ADGRV1: variants seen among roughly 807,000 people sequenced by gnomAD.
ADGRV1 encodes the protein G-protein coupled receptor 98.
ADGRV1 carries 359 observed loss-of-function variants against 596.2 expected under a neutral mutation model. The observed-to-expected ratio is 0.60, with a 90% CI of 0.55 to 0.66. ADGRV1 has a LOEUF of 0.66. Among genes scored for constraint, ADGRV1 ranks in the 30% least tolerant of loss-of-function variants. The pLI, the probability that ADGRV1 is intolerant of heterozygous loss-of-function variation, is 0.00. For missense variants in ADGRV1, 7,274 were observed against 7,575.6 expected, an observed-to-expected ratio of 0.96 and a Z score of 1.48; for synonymous variants, 2,681 against 2,679.2, an observed-to-expected ratio of 1.00 and a Z score of -0.02.
At chr5:91,153,426 G>C (rs754882113) in intron 89 of ADGRV1, 28 bp downstream of exon 89, 21 of 1,482,070 alleles carry the variant, frequency 1.4e-5, no homozygotes, top group Admixed American at 2.1e-5. Flanking sequence ...AACGACATTA[G>C]AAGTAGGCAC....
In ADGRV1 at chr5:90,558,892, G is replaced by C; in HGVS notation, c.-4G>C. On this transcript the variant is annotated 5_prime_UTR_variant, in exon 1 of 90. Coordinates refer to ENST00000405460, the MANE Select transcript of ADGRV1 (RefSeq NM_032119.4). ...GGCCGGCGGGGACCGCCGGGAGCGCGCGGATGTCGGTGTTCCTGGGGCCAG... is the reference window on the plus strand; with the variant it reads ...GGCCGGCGGGGACCGCCGGGAGCGCCCGGATGTCGGTGTTCCTGGGGCCAG... 6.4e-7 allele frequency: 1 copy of C among 1,559,734 alleles called. No homozygotes were observed. The highest frequency in any genetic ancestry group is 1.2e-5 in the South Asian group (1 of 84,934).
In ADGRV1 at chr5:91,042,057, T is replaced by G. The variant is rs2151277786; in HGVS notation, c.18153-30390T>G. On this transcript the variant is annotated intron_variant, in intron 85 of 89. Coordinates refer to ENST00000405460, the MANE Select transcript of ADGRV1 (RefSeq NM_032119.4). ...ACAGATGTTTTAAACTTGAGGCTCT[T>G]AGTTTTATTGATTTACTGTGATCTA... Among the ~76,000 whole-genome samples, 4 of 152,308 alleles carry G rather than the reference T, an allele frequency of 2.6e-5. No individual in the cohort carries two copies. In the South Asian group the frequency reaches 8.3e-4, roughly 32 times the overall value.
intron 85 of ADGRV1, among the ~76,000 whole-genome samples, chr5:91,065,725 G>T (rs1482259442): frequency 6.6e-6 from 1 of 152,174 alleles, no homozygotes; most frequent in Non-Finnish European, 1.5e-5. Flanking sequence ...TAAGTATAAA[G>T]CATTACCGAG....
rs567806069 is a variant in ADGRV1 at position 90,785,049 on chromosome 5, G to A, written c.13653+992G>A. 9.2e-5 allele frequency among the ~76,000 whole-genome samples: 14 copies of A among 152,152 alleles called. No homozygotes were observed. In the East Asian group the frequency reaches 9.7e-4, roughly 11 times the overall value. On this transcript the variant is annotated intron_variant, in intron 67 of 89. Coordinates refer to ENST00000405460, the MANE Select transcript of ADGRV1 (RefSeq NM_032119.4). ...ACAAGGCTACAGTAACCAAAACAGC[G>A]TGGTACTGGTACCAAAACAGATATA...
At chr5:90,918,788 TATGTTACTACA>T (rs1773611305) in intron 83 of ADGRV1, among the ~76,000 whole-genome samples, 1 of 152,210 alleles carries the variant, frequency 6.6e-6, no homozygotes, top group Admixed American at 6.5e-5. Flanking sequence ...TTCCACTTCT[TATGTTACTACA>T]ACCAAGGCCT....
At chr5:90,974,477 G>T (rs1455067650) in intron 84 of ADGRV1, among the ~76,000 whole-genome samples, 1 of 152,134 alleles carries the variant, frequency 6.6e-6, no homozygotes, top group Non-Finnish European at 1.5e-5. Context: ...AACCAAAACA[G>T]CATGGTACTG....
chr5:90,729,609 C>T, intron 49 of ADGRV1, 33 bp from the exon 50 acceptor site: 2 of 1,523,296 alleles, frequency 1.3e-6, no homozygotes, highest in Non-Finnish European at 1.8e-6. Flanking sequence ...GTAACTTTTG[C>T]ATTAAGATTT....
chr5:91,158,899 G>A (rs923739407), intron 89 of ADGRV1, among the ~76,000 whole-genome samples: 3 of 137,382 alleles, frequency 2.2e-5, no homozygotes, highest in South Asian at 2.4e-4. Context: ...ATGGATGGAT[G>A]GATAGATGCA....
intron 50 of ADGRV1, among the ~76,000 whole-genome samples, chr5:90,737,529 T>C (rs1248495271): frequency 6.6e-6 from 1 of 151,974 alleles, no homozygotes; most frequent in African/African-American, 2.4e-5. Context: ...AGTGGGATAC[T>C]GGGGTCCCCT....
rs201481219 is a variant in ADGRV1 at position 90,716,735 on chromosome 5, G to A, written c.9447+6G>A. On this transcript the variant is annotated splice_donor_region_variant and intron_variant, in intron 43 of 89. Coordinates refer to ENST00000405460, the MANE Select transcript of ADGRV1 (RefSeq NM_032119.4). ...AAGAAGGTGTTCGATTCAAGGTACA[G>A]TAAGAAGCTTTAATGAGAATGGAAG... 7.2e-4 allele frequency: 1,148 copies of A among 1,602,634 alleles called. 4 individuals are homozygous for A. The Middle Eastern group carries it at 0.014, about 20-fold the overall frequency.
At chr5:90,560,240 A>C (rs1754640066) in intron 1 of ADGRV1, among the ~76,000 whole-genome samples, 1 of 152,120 alleles carries the variant, frequency 6.6e-6, no homozygotes, top group South Asian at 2.1e-4. Context: ...TATATCTCTC[A>C]AATTATTACT....
chr5:90,581,779 G>A (rs1029387064), intron 1 of ADGRV1, among the ~76,000 whole-genome samples: 1 of 152,206 alleles, frequency 6.6e-6, no homozygotes, highest in African/African-American at 2.4e-5. Flanking sequence ...TCTCTTCAGA[G>A]CTGTCAGACA....
intron 87 of ADGRV1, among the ~76,000 whole-genome samples, chr5:91,111,836 G>T (rs1008681252): frequency 6.6e-6 from 1 of 152,108 alleles, no homozygotes; most frequent in African/African-American, 2.4e-5. Context: ...CACTACATTT[G>T]TTTTCTAGAG....
intron 83 of ADGRV1, among the ~76,000 whole-genome samples, chr5:90,905,694 C>T (rs1041686825): frequency 1.3e-5 from 2 of 152,000 alleles, no homozygotes; most frequent in African/African-American, 4.8e-5. Flanking sequence ...AATTTGACTT[C>T]TTTTTTTCCA....
chr5:91,036,517 G>A (rs936846534), intron 85 of ADGRV1, among the ~76,000 whole-genome samples: 4 of 151,012 alleles, frequency 2.6e-5, no homozygotes, highest in East Asian at 2.0e-4. Context: ...AGCTGAGATC[G>A]CGCCACTGCA....
chr5:90,964,215 T>A (rs915252931), intron 83 of ADGRV1, among the ~76,000 whole-genome samples: 1 of 152,202 alleles, frequency 6.6e-6, no homozygotes, highest in Non-Finnish European at 1.5e-5. Flanking sequence ...GGGCACATTA[T>A]TGTTTTTTTA....
At chr5:91,128,714 A>T (rs1430855335) in intron 87 of ADGRV1, among the ~76,000 whole-genome samples, 1 of 152,136 alleles carries the variant, frequency 6.6e-6, no homozygotes, top group Non-Finnish European at 1.5e-5. Context: ...AGGTAATTCT[A>T]CTGTCCTTGC....
At chr5:90,912,450 T>G (rs1448779108) in intron 83 of ADGRV1, among the ~76,000 whole-genome samples, 1 of 152,222 alleles carries the variant, frequency 6.6e-6, no homozygotes, top group Non-Finnish European at 1.5e-5. Flanking sequence ...TATTGCATGA[T>G]GCTGAGGTTT....
Position 90,694,326 on chromosome 5 carries a change from G to T in ADGRV1, c.7570G>T (p.Val2524Leu), listed in dbSNP as rs187384843. The T allele has an allele frequency of 5.6e-6, 9 of 1,613,990 alleles. No individual in the cohort carries two copies. The highest frequency in any genetic ancestry group is 7.6e-6 in the Non-Finnish European group (9 of 1,179,876). The change falls in exon 33 of 90, where the codon GTG (valine) becomes TTG (leucine). Residue 2524 changes from valine to leucine, a missense_variant. Physicochemically the swap from Val to Leu is conservative, Grantham distance 32. This residue lies in a region of ADGRV1 where 3,643 missense variants were observed against 3,809.2 expected (regional missense o/e 0.96). Coordinates refer to ENST00000405460, the MANE Select transcript of ADGRV1 (RefSeq NM_032119.4). ...QEGDEFANLTVSILPDDFPEM... is the reference protein window; with the variant it reads ...QEGDEFANLTLSILPDDFPEM... The stretch of plus-strand genomic sequence containing the variant: ...AGGTGATGAATTCGCAAATCTCACA[G>T]TGTCTATTCTTCCTGATGATTTCCC...
Sources: allele counts gnomAD v4.1 joint callset (sites outside exome capture counted in the v4.1 genomes callset), GRCh38; gene constraint gnomAD v4.1.1; regional missense constraint gnomAD v4.1.1; transcripts MANE v1.5; gene names NCBI Gene and HGNC (gene_info 2026-07-23, HGNC 2026-07-21).